The following PLEKHG4B variants were observed in gnomAD, a reference collection of about 807,000 sequenced individuals.
The protein encoded by PLEKHG4B is pleckstrin homology domain-containing family G member 4B.
PLEKHG4B carries 111 observed loss-of-function variants against 121.3 expected under a neutral mutation model. The observed-to-expected ratio is 0.92, with a 90% CI of 0.78 to 1.07. PLEKHG4B has a LOEUF of 1.07. PLEKHG4B is among the 50% of genes least tolerant of loss of function. The pLI, the probability that PLEKHG4B is intolerant of heterozygous loss-of-function variation, is 0.00. For missense variants in PLEKHG4B, 1,831 were observed against 1,757.8 expected, an observed-to-expected ratio of 1.04 and a Z score of -0.74; for synonymous variants, 738 against 725.0, an observed-to-expected ratio of 1.02 and a Z score of -0.29.
rs1190585918 is a variant in PLEKHG4B, at chr5:184,482, C to T, written c.*2159C>T. Reference sequence around the variant, plus strand: ...CATTCTGTACCTGACAAAATCTTTCCGAAGCGATGGTGACATAAAGACATT... The same window carrying T: ...CATTCTGTACCTGACAAAATCTTTCTGAAGCGATGGTGACATAAAGACATT... On this transcript the variant is annotated 3_prime_UTR_variant, in exon 20 of 20. Transcript: ENST00000637938. 1 of 152,138 alleles carries T rather than the reference C, an allele frequency of 6.6e-6. No homozygotes were observed. The highest frequency in any genetic ancestry group is 6.5e-5 in the Admixed American group (1 of 15,276). The allele number at this position is 152,138 out of a possible 1,614,324, so 9.4% of individuals were successfully genotyped here. A position where few individuals can be genotyped will look rare whatever the true frequency, so the allele number is the denominator to read the frequency against.
chr5:168,865 CTTTT>C (rs140551039), intron 13 of PLEKHG4B, among the ~76,000 whole-genome samples: 20 of 100,394 alleles, frequency 2.0e-4, no homozygotes, highest in South Asian at 3.5e-4. Flanking sequence ...GAAGATTATT[CTTTT>C]TTTTTTTTTT....
chr5:172,456 G>T lies in PLEKHG4B; in HGVS notation c.4051-441G>T, dbSNP rs1278505343. ...GATTCCCAGGGGCTATTTAGTGAGG[G>T]GGACTCTAGCACCACCTCAGCAGGG... On this transcript the variant is annotated intron_variant, in intron 16 of 19. Transcript: ENST00000637938. 3.3e-5 allele frequency among the ~76,000 whole-genome samples: 5 copies of T among 152,226 alleles called. No homozygotes were observed. The East Asian group carries it at 7.7e-4, about 23-fold the overall frequency.
At chr5:106,084 TC>T (rs1733967405) in intron 1 of PLEKHG4B, among the ~76,000 whole-genome samples, 1 of 152,218 alleles carries the variant, frequency 6.6e-6, no homozygotes, top group African/African-American at 2.4e-5. Flanking sequence ...AACCCTTACT[TC>T]CAGCTAAGGT....
rs551129596 is a variant in PLEKHG4B, at chr5:140,288, G to T, written c.1049G>T (p.Arg350Leu). The T allele has an allele frequency of 2.7e-6, 4 of 1,476,968 alleles. No homozygotes were observed. Among genetic ancestry groups the T allele is most frequent in the South Asian group, 1.4e-5 (1 of 70,568 alleles). 91.5% of individuals were successfully genotyped at this position (1,476,968 alleles called of 1,614,324 possible). A position where few individuals can be genotyped will look rare whatever the true frequency, so the allele number is the denominator to read the frequency against. ...PGDPTCVQPR[R>L]WFRESYMEAL... Reference sequence around the variant, plus strand: ...GACCCCACTTGTGTGCAGCCTAGACGCTGGTTCAGGGAGTCGTACATGGAA... The same window carrying T: ...GACCCCACTTGTGTGCAGCCTAGACTCTGGTTCAGGGAGTCGTACATGGAA... Residue 350 changes from arginine to leucine, a missense_variant, in exon 3 of 20, where the codon CGC becomes CTC. Transcript: ENST00000637938.
chr5:134,329 G>A (rs890623540), intron 2 of PLEKHG4B, among the ~76,000 whole-genome samples: 2 of 151,696 alleles, frequency 1.3e-5, no homozygotes, highest in Non-Finnish European at 1.5e-5. Context: ...ATGGGAAAGG[G>A]TGGGAGGCAG....
At chr5:155,743 T>C (rs952865130) in intron 9 of PLEKHG4B, among the ~76,000 whole-genome samples, 3 of 152,148 alleles carry the variant, frequency 2.0e-5, no homozygotes, top group African/African-American at 7.2e-5. Context: ...AGAGGCGAAC[T>C]GGCCACAGGG....
intron 7 of PLEKHG4B, among the ~76,000 whole-genome samples, chr5:153,040 C>T (rs1180100980): frequency 6.6e-6 from 1 of 152,178 alleles, no homozygotes; most frequent in Non-Finnish European, 1.5e-5. Flanking sequence ...CAGGTAGTAT[C>T]TTTACAGCAG....
intron 7 of PLEKHG4B, among the ~76,000 whole-genome samples, chr5:153,551 G>A (rs923854526): frequency 6.6e-6 from 1 of 152,180 alleles, no homozygotes; most frequent in African/African-American, 2.4e-5. Flanking sequence ...CACATACCGC[G>A]GGGCTTCTTC....
At chr5:148,488 A>C (rs1339374837) in intron 6 of PLEKHG4B, among the ~76,000 whole-genome samples, 1 of 152,232 alleles carries the variant, frequency 6.6e-6, no homozygotes, top group African/African-American at 2.4e-5. Flanking sequence ...TTACAATAGC[A>C]TCAAAAAGAA....
intron 1 of PLEKHG4B, among the ~76,000 whole-genome samples, chr5:100,108 G>A (rs1292478276): frequency 6.6e-6 from 1 of 152,072 alleles, no homozygotes; most frequent in Non-Finnish European, 1.5e-5. Context: ...TTAATATGCT[G>A]TTAGATTTGG....
chr5:169,409 C>T lies in PLEKHG4B; in HGVS notation c.3546C>T (p.Tyr1182=), dbSNP rs750644948. 39 of 1,614,020 alleles carry T rather than the reference C, an allele frequency of 2.4e-5. No homozygotes were observed. Among genetic ancestry groups the T allele is most frequent in the Middle Eastern group, 3.3e-4 (2 of 6,084 alleles). The change falls in exon 14 of 20, where the codon TAC becomes TAT. Residue 1182 remains tyrosine, a synonymous_variant. Coordinates refer to ENST00000637938, the MANE Select transcript of PLEKHG4B (RefSeq NM_052909.5). The part of the protein sequence containing the change: ...TEREYIRCLG[Y]VIDNYFPEME... ...GGGAGTACATTCGGTGCTTAGGATA[C>T]GTCATTGACAACTATTTTCCAGAAA...
chr5:171,889 T>C (rs1736566822), intron 16 of PLEKHG4B, among the ~76,000 whole-genome samples: 1 of 152,344 alleles, frequency 6.6e-6, no homozygotes, highest in South Asian at 2.1e-4. Context: ...CTCACCCATA[T>C]GCTGCTGCCC....
chr5:124,738 A>G (rs1330836292), intron 2 of PLEKHG4B, among the ~76,000 whole-genome samples: 1 of 152,300 alleles, frequency 6.6e-6, no homozygotes, highest in Non-Finnish European at 1.5e-5. Flanking sequence ...TTGTGTGGAT[A>G]TATTTTTCCG....
At chr5:127,317 A>G (rs1734647262) in intron 2 of PLEKHG4B, among the ~76,000 whole-genome samples, 1 of 145,348 alleles carries the variant, frequency 6.9e-6, no homozygotes, top group Non-Finnish European at 1.5e-5. Context: ...CTCCTATATC[A>G]TTGTTTCTGC....
chr5:99,088 G>A (rs1398496401), intron 1 of PLEKHG4B, among the ~76,000 whole-genome samples: 1 of 144,696 alleles, frequency 6.9e-6, no homozygotes, highest in Non-Finnish European at 1.5e-5. Flanking sequence ...TCTGGGAGGC[G>A]GAGGTTGCAG....
chr5:98,603 TTGTGTGTGTGTG>T (rs35724214), intron 1 of PLEKHG4B, among the ~76,000 whole-genome samples: 135 of 111,588 alleles, frequency 1.2e-3, no homozygotes, highest in African/African-American at 3.7e-3. Context: ...CCTGGCTAAT[TTGTGTGTGTGTG>T]TGTGTGTGTG....
intron 1 of PLEKHG4B, among the ~76,000 whole-genome samples, chr5:99,155 C>CAA (rs555000443): frequency 1.7e-4 from 14 of 84,400 alleles, no homozygotes; most frequent in African/African-American, 3.5e-4. Context: ...GAGTCTGTCT[C>CAA]AAAAAAAAAA....
intron 1 of PLEKHG4B, among the ~76,000 whole-genome samples, chr5:94,447 G>A (rs1404513640): frequency 1.3e-5 from 2 of 152,124 alleles, no homozygotes; most frequent in Non-Finnish European, 2.9e-5. Flanking sequence ...CAGGGGGAGA[G>A]TGAAGAGGGG....
intron 7 of PLEKHG4B, among the ~76,000 whole-genome samples, chr5:153,898 A>T (rs1237777990): frequency 1.3e-5 from 2 of 152,150 alleles, no homozygotes; most frequent in African/African-American, 2.4e-5. Context: ...GTCCTATTGC[A>T]CAGGCTGGTC....
Sources: gnomAD v4.1 joint callset for allele counts (sites outside exome capture counted in the v4.1 genomes callset) on GRCh38, gnomAD v4.1.1 for gene constraint, MANE v1.5 for transcripts, NCBI Gene and HGNC (gene_info 2026-07-23, HGNC 2026-07-21) for gene names.